R3HCC1L: variants seen among roughly 807,000 people sequenced by gnomAD.
R3HCC1L encodes R3H domain and coiled-coil containing 1 like.
In R3HCC1L, 51 loss-of-function variants were observed where a neutral mutation model predicts 59.9. The observed-to-expected ratio is 0.85, with a 90% CI of 0.68 to 1.07. The LOEUF is 1.07. Ranked by LOEUF, R3HCC1L falls within the 50% of genes least tolerant of loss-of-function variation. The pLI is 0.00. For synonymous variants in R3HCC1L, 322 were observed against 315.2 expected (o/e 1.02, Z -0.23); for missense variants, 965 against 933.0 (o/e 1.03, Z -0.45).
chr10:98,148,405 A>G (rs1271612018), intron 1 of R3HCC1L, among the ~76,000 whole-genome samples: 1 of 152,172 alleles, frequency 6.6e-6, no homozygotes, highest in Non-Finnish European at 1.5e-5. Flanking sequence ...TGCTCTGGCC[A>G]GAACTTCCAG....
At chr10:98,201,209 A>G (rs1852007519) in intron 4 of R3HCC1L, among the ~76,000 whole-genome samples, 2 of 152,194 alleles carry the variant, frequency 1.3e-5, no homozygotes. Flanking sequence ...GTCATCTTGA[A>G]TTAAAAGCCT....
chr10:98,208,876 T>C lies in R3HCC1L; in HGVS notation c.762T>C (p.Asp254=). ...TACAACAAAGCATGCAAACATCAGATGGAATATTGAATCCCAGCAGCGGAG... is the reference window on the plus strand; with the variant it reads ...TACAACAAAGCATGCAAACATCAGACGGAATATTGAATCCCAGCAGCGGAG... The part of the protein sequence containing the change: ...EIVQQSMQTS[D]GILNPSSGGI... The change falls in exon 5 of 10, where the codon GAT becomes GAC. Residue 254 remains aspartate, a synonymous_variant. Transcript: ENST00000298999. 1.9e-6 allele frequency: 3 copies of C among 1,614,166 alleles called. No homozygotes were observed. The highest frequency in any genetic ancestry group is 2.5e-6 in the Non-Finnish European group (3 of 1,180,004).
chr10:98,158,247 G>T lies in R3HCC1L; in HGVS notation c.-213+2100G>T, dbSNP rs533122649. On this transcript the variant is annotated intron_variant, in intron 2 of 9. Coordinates refer to ENST00000298999, the MANE Select transcript of R3HCC1L (RefSeq NM_001351015.2). Reference sequence around the variant, plus strand: ...TGGGGCATACTATATGCATTATTTTGTTCCTTCCCCCATTTTTTCCAACCA... The same window carrying T: ...TGGGGCATACTATATGCATTATTTTTTTCCTTCCCCCATTTTTTCCAACCA... 1.5e-4 allele frequency among the ~76,000 whole-genome samples: 23 copies of T among 152,132 alleles called. No homozygotes were observed. In the South Asian group the frequency reaches 4.8e-3, roughly 32 times the overall value.
intron 2 of R3HCC1L, among the ~76,000 whole-genome samples, chr10:98,159,406 CTCTT>C (rs1847184832): frequency 6.6e-6 from 1 of 152,018 alleles, no homozygotes; most frequent in Non-Finnish European, 1.5e-5. Flanking sequence ...GCATTATATT[CTCTT>C]TCTATTCATA....
intron 4 of R3HCC1L, among the ~76,000 whole-genome samples, chr10:98,168,795 T>A (rs150103197): frequency 6.6e-6 from 1 of 152,356 alleles, no homozygotes; most frequent in African/African-American, 2.4e-5. Flanking sequence ...TACTCTACAT[T>A]CTACTTTGAG....
At chr10:98,144,793 G>A (rs1168507453) in intron 1 of R3HCC1L, among the ~76,000 whole-genome samples, 2 of 152,220 alleles carry the variant, frequency 1.3e-5, no homozygotes, top group Non-Finnish European at 2.9e-5. Flanking sequence ...AAGTTGAGGA[G>A]TGCAAAATAC....
intron 9 of R3HCC1L, among the ~76,000 whole-genome samples, chr10:98,237,385 G>C (rs1405995338): frequency 6.6e-6 from 1 of 151,958 alleles, no homozygotes; most frequent in African/African-American, 2.4e-5. Flanking sequence ...CTATAAAAGG[G>C]GATATGACTC....
chr10:98,142,192 G>A (rs1481881530), intron 1 of R3HCC1L, among the ~76,000 whole-genome samples: 1 of 151,776 alleles, frequency 6.6e-6, no homozygotes, highest in African/African-American at 2.4e-5. Flanking sequence ...TCTATACTTG[G>A]GTCTTGCCTC....
chr10:98,227,957 A>G (rs1855870829), intron 5 of R3HCC1L, among the ~76,000 whole-genome samples: 1 of 152,158 alleles, frequency 6.6e-6, no homozygotes, highest in Non-Finnish European at 1.5e-5. Flanking sequence ...TATATGTGCC[A>G]CATTTTCTTA....
intron 4 of R3HCC1L, among the ~76,000 whole-genome samples, chr10:98,188,057 A>G (rs950934222): frequency 2.0e-5 from 3 of 152,076 alleles, no homozygotes; most frequent in African/African-American, 7.2e-5. Flanking sequence ...GGAATTCTTA[A>G]TGTTGTTCAA....
At chr10:98,150,981 A>T (rs1303742387) in intron 1 of R3HCC1L, among the ~76,000 whole-genome samples, 2 of 151,624 alleles carry the variant, frequency 1.3e-5, no homozygotes, top group East Asian at 3.9e-4. Context: ...AGTCGGGGGG[A>T]AATTTTCTGC....
intron 4 of R3HCC1L, among the ~76,000 whole-genome samples, chr10:98,190,300 T>G (rs192750502): frequency 1.2e-3 from 181 of 152,292 alleles, no homozygotes; most frequent in African/African-American, 3.9e-3. Context: ...GGGAAGACCT[T>G]GAAAGTGTGG....
intron 1 of R3HCC1L, among the ~76,000 whole-genome samples, chr10:98,144,034 G>A (rs1845423317): frequency 6.6e-6 from 1 of 151,902 alleles, no homozygotes; most frequent in African/African-American, 2.4e-5. Context: ...AGTGGGTCGG[G>A]GCAGTGGCTC....
chr10:98,213,908 A>G (rs971490368), intron 5 of R3HCC1L, among the ~76,000 whole-genome samples: 2 of 152,146 alleles, frequency 1.3e-5, no homozygotes, highest in African/African-American at 4.8e-5. Flanking sequence ...GATGCTGTAT[A>G]TTCTAATGCA....
intron 4 of R3HCC1L, among the ~76,000 whole-genome samples, chr10:98,197,980 G>T (rs1289124004): frequency 6.6e-6 from 1 of 152,162 alleles, no homozygotes; most frequent in Non-Finnish European, 1.5e-5. Context: ...GCTTGTGTGT[G>T]AAAAACCACT....
intron 4 of R3HCC1L, among the ~76,000 whole-genome samples, chr10:98,178,773 C>T (rs998527969): frequency 5.9e-5 from 9 of 152,238 alleles, no homozygotes; most frequent in African/African-American, 1.9e-4. Context: ...TGAAGAGGTC[C>T]TTCACATCCC....
intron 4 of R3HCC1L, among the ~76,000 whole-genome samples, chr10:98,183,432 TTTGTTG>T (rs551367212): frequency 2.0e-5 from 3 of 151,866 alleles, no homozygotes; most frequent in Admixed American, 6.6e-5. Flanking sequence ...ATTGTGGATT[TTTGTTG>T]TTGTTGTTGT....
chr10:98,138,519 CA>C (rs1844811525), intron 1 of R3HCC1L, among the ~76,000 whole-genome samples: 1 of 151,570 alleles, frequency 6.6e-6, no homozygotes, highest in African/African-American at 2.4e-5. Context: ...AGTGAGACTT[CA>C]TCTTTATTAA....
At chr10:98,175,113 A>G (rs915803640) in intron 4 of R3HCC1L, among the ~76,000 whole-genome samples, 50 of 152,134 alleles carry the variant, frequency 3.3e-4, no homozygotes, top group African/African-American at 1.1e-3. Context: ...TTAAGTAATG[A>G]CTGCAGAATT....
Sources: allele counts gnomAD v4.1 joint callset (sites outside exome capture counted in the v4.1 genomes callset), GRCh38; gene constraint gnomAD v4.1.1; transcripts MANE v1.5; gene names NCBI Gene and HGNC (gene_info 2026-07-23, HGNC 2026-07-21).